The following DTNA variants were observed in gnomAD, a reference collection of about 807,000 sequenced individuals.
The protein encoded by DTNA is dystrobrevin alpha.
A neutral mutation model predicts 100.7 loss-of-function variants in DTNA; 43 were observed. The ratio of observed to expected loss-of-function variants is 0.43; its 90% CI spans 0.33 to 0.55. DTNA has a LOEUF of 0.55. DTNA is among the 20% of genes least tolerant of loss of function. DTNA has a pLI of 0.04. For missense variants in DTNA, 798 were observed against 953.9 expected, an observed-to-expected ratio of 0.84 and a Z score of 2.15; for synonymous variants, 349 against 347.9, an observed-to-expected ratio of 1.00 and a Z score of -0.04.
intron 1 of DTNA, among the ~76,000 whole-genome samples, chr18:34,686,682 T>C (rs1410449555): frequency 6.6e-6 from 1 of 152,192 alleles, no homozygotes; most frequent in Non-Finnish European, 1.5e-5. Context: ...TCCCTCTTTT[T>C]CTTTTGTTTG....
intron 1 of DTNA, among the ~76,000 whole-genome samples, chr18:34,549,880 T>G (rs1249746307): frequency 1.3e-5 from 2 of 152,110 alleles, no homozygotes; most frequent in Admixed American, 6.6e-5. Flanking sequence ...ATCTGGTGAT[T>G]TGTACATTTG....
At chr18:34,754,306 G>C (rs2092621119) in intron 1 of DTNA, among the ~76,000 whole-genome samples, 1 of 152,090 alleles carries the variant, frequency 6.6e-6, no homozygotes, top group Non-Finnish European at 1.5e-5. Context: ...TTCTGCTGTA[G>C]TTTTGTTAAA....
At chr18:34,605,641 A>G (rs888988842) in intron 1 of DTNA, among the ~76,000 whole-genome samples, 23 of 149,364 alleles carry the variant, frequency 1.5e-4, no homozygotes, top group Non-Finnish European at 2.8e-4. Context: ...AGGCACACAC[A>G]CACACACACA....
chr18:34,690,098 C>T (rs189946957), intron 1 of DTNA, among the ~76,000 whole-genome samples: 99 of 152,304 alleles, frequency 6.5e-4, no homozygotes, highest in African/African-American at 1.8e-3. Context: ...GGGTGGGATC[C>T]GCTGAGCAAG....
intron 17 of DTNA, among the ~76,000 whole-genome samples, chr18:34,865,419 T>C (rs1003952069): frequency 6.6e-6 from 1 of 152,162 alleles, no homozygotes; most frequent in Admixed American, 6.5e-5. Context: ...TTGTAAACTT[T>C]CTTTTGTTTT....
At chr18:34,821,729 G>T (rs1357675208) in intron 9 of DTNA, among the ~76,000 whole-genome samples, 2 of 152,194 alleles carry the variant, frequency 1.3e-5, no homozygotes, top group Admixed American at 6.5e-5. Flanking sequence ...ACTGCCTGTA[G>T]TTTTCCACAC....
chr18:34,638,709 G>C (rs1006521984), intron 1 of DTNA, among the ~76,000 whole-genome samples: 1 of 152,064 alleles, frequency 6.6e-6, no homozygotes, highest in East Asian at 1.9e-4. Flanking sequence ...AGAAAAATAT[G>C]ATACTCATGC....
At chr18:34,565,818 T>C (rs1334383346) in intron 1 of DTNA, among the ~76,000 whole-genome samples, 1 of 152,220 alleles carries the variant, frequency 6.6e-6, no homozygotes, top group Non-Finnish European at 1.5e-5. Context: ...CCACAGGTAT[T>C]GGATGGACTT....
chr18:34,670,115 T>G (rs576562453), intron 1 of DTNA, among the ~76,000 whole-genome samples: 1 of 152,318 alleles, frequency 6.6e-6, no homozygotes, highest in South Asian at 2.1e-4. Context: ...TCTTGGAGGC[T>G]TTGTTCATTT....
At chr18:34,613,365 GA>G (rs1176674257) in intron 1 of DTNA, among the ~76,000 whole-genome samples, 3 of 152,164 alleles carry the variant, frequency 2.0e-5, no homozygotes, top group Non-Finnish European at 4.4e-5. Context: ...GTGTTTAAGT[GA>G]AAGGAAGGAT....
chr18:34,517,389 A>G (rs2041737064), intron 1 of DTNA, among the ~76,000 whole-genome samples: 2 of 152,088 alleles, frequency 1.3e-5, no homozygotes, highest in Admixed American at 6.6e-5. Context: ...CTGTAATAAA[A>G]TATCATAATG....
At chr18:34,584,007 C>T (rs1290474314) in intron 1 of DTNA, among the ~76,000 whole-genome samples, 2 of 151,694 alleles carry the variant, frequency 1.3e-5, no homozygotes, top group African/African-American at 4.8e-5. Flanking sequence ...TAGAAATCTG[C>T]GTGCCGAATA....
chr18:34,655,014 A>G (rs1238782593), intron 1 of DTNA, among the ~76,000 whole-genome samples: 1 of 152,150 alleles, frequency 6.6e-6, no homozygotes, highest in Non-Finnish European at 1.5e-5. Context: ...GGCATGAACC[A>G]CCGTGCCCGG....
At chr18:34,831,918 A>G (rs1187679161) in intron 11 of DTNA, among the ~76,000 whole-genome samples, 1 of 152,212 alleles carries the variant, frequency 6.6e-6, no homozygotes, top group Non-Finnish European at 1.5e-5. Flanking sequence ...GGTGATTGAT[A>G]GGTTTGGGTT....
At chr18:34,714,097 A>T (rs1432670802) in intron 1 of DTNA, among the ~76,000 whole-genome samples, 3 of 152,054 alleles carry the variant, frequency 2.0e-5, no homozygotes, top group African/African-American at 7.3e-5. Flanking sequence ...TGGATTAAAG[A>T]CTTAAACGTT....
intron 17 of DTNA, chr18:34,868,515 T>A: frequency 5.1e-6 from 5 of 985,476 alleles, no homozygotes; most frequent in Non-Finnish European, 6.0e-6. Flanking sequence ...TTTTTATTTA[T>A]GAGTGTTTCT....
At chr18:34,571,529 G>A (rs528480049) in intron 1 of DTNA, among the ~76,000 whole-genome samples, 1 of 152,148 alleles carries the variant, frequency 6.6e-6, no homozygotes, top group South Asian at 2.1e-4. Flanking sequence ...TGGCTTGAGA[G>A]TCCAGGAGTT....
intron 1 of DTNA, among the ~76,000 whole-genome samples, chr18:34,676,577 G>C (rs150177368): frequency 1.4e-3 from 206 of 152,288 alleles, no homozygotes; most frequent in African/African-American, 4.4e-3. Flanking sequence ...TTCAATGCCT[G>C]TAATCCCAGC....
chr18:34,558,680 C>A (rs1381502565), intron 1 of DTNA, among the ~76,000 whole-genome samples: 1 of 152,064 alleles, frequency 6.6e-6, no homozygotes, highest in African/African-American at 2.4e-5. Flanking sequence ...ATTCAATGGT[C>A]CAGAAAGGTC....
Sources: allele counts gnomAD v4.1 joint callset (sites outside exome capture counted in the v4.1 genomes callset), GRCh38; gene constraint gnomAD v4.1.1; transcripts MANE v1.5; gene names NCBI Gene and HGNC (gene_info 2026-07-23, HGNC 2026-07-21).